Variants in CALD1 observed in about 807,000 individuals in gnomAD.
CALD1 encodes caldesmon.
In CALD1, 33 loss-of-function variants were observed where a neutral mutation model predicts 99.9. The observed-to-expected ratio is 0.33, with a 90% CI of 0.25 to 0.44. The LOEUF (loss-of-function observed/expected upper bound fraction) is 0.44, where lower values mean the gene tolerates loss of function less well. Among genes scored for constraint, CALD1 ranks in the 20% least tolerant of loss-of-function variants. The pLI is 1.00. For missense variants in CALD1, 861 were observed against 962.1 expected (o/e 0.89, Z 1.39); for synonymous variants, 310 against 325.0 (o/e 0.95, Z 0.50).
At chr7:134,905,499 G>A (rs112411730) in intron 3 of CALD1, among the ~76,000 whole-genome samples, 3 of 152,146 alleles carry the variant, frequency 2.0e-5, no homozygotes, top group African/African-American at 7.2e-5. Flanking sequence ...GCTCCAGGCT[G>A]GCTCCTGGTG....
At chr7:134,894,574 C>T (rs891816615) in intron 3 of CALD1, among the ~76,000 whole-genome samples, 3 of 152,198 alleles carry the variant, frequency 2.0e-5, no homozygotes, top group African/African-American at 7.2e-5. Context: ...ATTCTAAGTT[C>T]CTTTGCATTT....
intron 1 of CALD1, among the ~76,000 whole-genome samples, chr7:134,790,678 G>C (rs1797492937): frequency 1.3e-5 from 2 of 152,290 alleles, no homozygotes; most frequent in South Asian, 4.1e-4. Context: ...TAGACCTAGA[G>C]CAGTTAAATT....
the CALD1 span, among the ~76,000 whole-genome samples, chr7:134,712,500 C>T: frequency 6.6e-6 from 1 of 152,176 alleles, no homozygotes; most frequent in Admixed American, 6.5e-5. Flanking sequence ...ACAAAGCAGC[C>T]ACACTCCTGC....
intron 1 of CALD1, among the ~76,000 whole-genome samples, chr7:134,786,057 T>A: frequency 6.6e-6 from 1 of 152,090 alleles, no homozygotes; most frequent in East Asian, 1.9e-4. Context: ...TCACTGATAG[T>A]GATATCTGTT....
intron 9 of CALD1, among the ~76,000 whole-genome samples, chr7:134,952,366 A>T (rs1050626039): frequency 6.6e-6 from 1 of 152,190 alleles, no homozygotes; most frequent in Admixed American, 6.5e-5. Context: ...GTGTACGGTT[A>T]TATCAAGTGG....
chr7:134,941,924 G>T (rs919189814), intron 7 of CALD1, among the ~76,000 whole-genome samples: 1 of 152,124 alleles, frequency 6.6e-6, no homozygotes, highest in African/African-American at 2.4e-5. Flanking sequence ...CTGATTATCA[G>T]ACAGACGAGA....
chr7:134,916,274 C>T (rs1383824667), intron 3 of CALD1, among the ~76,000 whole-genome samples: 1 of 152,072 alleles, frequency 6.6e-6, no homozygotes, highest in Non-Finnish European at 1.5e-5. Context: ...GCAACAATGC[C>T]CCAGTGTCAG....
intron 2 of CALD1, among the ~76,000 whole-genome samples, chr7:134,850,966 G>A (rs115749431): frequency 0.033 from 4,960 of 152,180 alleles, 228 homozygotes; most frequent in African/African-American, 0.097. Context: ...CATGTAAGAC[G>A]TCCCTTTGCT....
chr7:134,730,884 C>T, the CALD1 span, among the ~76,000 whole-genome samples: 27 of 152,224 alleles, frequency 1.8e-4, no homozygotes, highest in East Asian at 2.9e-3. Flanking sequence ...AAAGCTCCTT[C>T]TCCTAGCTCC....
intron 7 of CALD1, among the ~76,000 whole-genome samples, chr7:134,946,843 G>T (rs1176648638): frequency 6.6e-6 from 1 of 151,392 alleles, no homozygotes; most frequent in South Asian, 2.1e-4. Flanking sequence ...GCCACGCCCG[G>T]CTAATTTTTT....
At chr7:134,722,532 T>C in the CALD1 span, among the ~76,000 whole-genome samples, 1 of 152,144 alleles carries the variant, frequency 6.6e-6, no homozygotes, top group Non-Finnish European at 1.5e-5. Context: ...GCGATTCTCC[T>C]GCCTCAGCCT....
chr7:134,837,165 T>A (rs1020618951), intron 1 of CALD1, among the ~76,000 whole-genome samples: 1 of 152,122 alleles, frequency 6.6e-6, no homozygotes, highest in Non-Finnish European at 1.5e-5. Flanking sequence ...TGGGACCTGA[T>A]GGCTTAGAAA....
At chr7:134,739,118 G>A in the CALD1 span, among the ~76,000 whole-genome samples, 18 of 152,160 alleles carry the variant, frequency 1.2e-4, no homozygotes, top group Non-Finnish European at 2.9e-5. Context: ...ACGTAAGTGG[G>A]GCAGAGCTTT....
intron 3 of CALD1, among the ~76,000 whole-genome samples, chr7:134,874,748 AT>A (rs145722871): frequency 0.12 from 17,686 of 152,220 alleles, 1,235 homozygotes; most frequent in African/African-American, 0.18. Flanking sequence ...TCATTCATAC[AT>A]TTTTATGGGC....
intron 1 of CALD1, among the ~76,000 whole-genome samples, chr7:134,817,129 A>G (rs1303741828): frequency 6.6e-6 from 1 of 152,134 alleles, no homozygotes; most frequent in Non-Finnish European, 1.5e-5. Context: ...CAAAATTGTA[A>G]AGAGTGCATC....
the CALD1 span, among the ~76,000 whole-genome samples, chr7:134,731,948 TTTTC>T: frequency 6.6e-6 from 1 of 152,218 alleles, no homozygotes; most frequent in East Asian, 1.9e-4. Context: ...TCATCAAAAT[TTTTC>T]TTTCTAATGG....
At chr7:134,868,252 A>G (rs1800895348) in intron 3 of CALD1, 1 of 157,444 alleles carries the variant, frequency 6.4e-6, no homozygotes, top group Non-Finnish European at 1.4e-5. Context: ...TTTCATTCTT[A>G]TTAGAAAAGT....
intron 4 of CALD1, 22 bp from the exon 5 acceptor site, chr7:134,932,966 T>G: frequency 6.5e-7 from 1 of 1,527,778 alleles, no homozygotes; most frequent in Non-Finnish European, 9.0e-7. Context: ...CTGTCTTTGG[T>G]GTTGTTCTTT....
chr7:134,859,350 T>A (rs556144662), intron 2 of CALD1, among the ~76,000 whole-genome samples: 7 of 152,234 alleles, frequency 4.6e-5, no homozygotes, highest in Non-Finnish European at 8.8e-5. Flanking sequence ...TAGTGGAGAA[T>A]TTCCACCTTG....
Sources: allele counts gnomAD v4.1 joint callset (sites outside exome capture counted in the v4.1 genomes callset), GRCh38; gene constraint gnomAD v4.1.1; transcripts MANE v1.5; gene names NCBI Gene and HGNC (gene_info 2026-07-23, HGNC 2026-07-21).